The following COL21A1 variants were observed in gnomAD, a reference collection of about 807,000 sequenced individuals.
The protein encoded by COL21A1 is collagen alpha-1(XXI) chain.
Under a neutral mutation model 137.9 loss-of-function variants are expected in COL21A1, and 149 were observed. The observed-to-expected ratio is 1.08, with a 90% CI of 0.95 to 1.24. The LOEUF is 1.24. COL21A1 is among the 50% of genes most tolerant of loss of function. The probability of loss-of-function intolerance (pLI) is 0.00; values close to 1 mark genes in which losing one functional copy is unlikely to be tolerated. For missense variants in COL21A1, 1,167 were observed against 1,158.4 expected (o/e 1.01, Z -0.11); for synonymous variants, 456 against 391.5 (o/e 1.16, Z -1.95).
At chr6:56,062,350 C>T (rs1376666937) in intron 24 of COL21A1, among the ~76,000 whole-genome samples, 1 of 152,134 alleles carries the variant, frequency 6.6e-6, no homozygotes, top group Non-Finnish European at 1.5e-5. Context: ...ATTAAAGTCT[C>T]TCCCACTCCT....
At chr6:56,227,414 A>G (rs1369253364) in intron 1 of COL21A1, among the ~76,000 whole-genome samples, 1 of 152,030 alleles carries the variant, frequency 6.6e-6, no homozygotes, top group Non-Finnish European at 1.5e-5. Context: ...GGGAAATTCT[A>G]CTAAGTAAGG....
At chr6:56,383,065 T>A (rs938817411) in intron 1 of COL21A1, among the ~76,000 whole-genome samples, 2 of 152,204 alleles carry the variant, frequency 1.3e-5, no homozygotes, top group Non-Finnish European at 2.9e-5. Context: ...ACATTGTCAA[T>A]ACAGGATGCT....
intron 10 of COL21A1, among the ~76,000 whole-genome samples, chr6:56,149,488 A>G (rs1198047861): frequency 6.6e-6 from 1 of 152,226 alleles, no homozygotes; most frequent in East Asian, 1.9e-4. Context: ...TAGGCAAAGG[A>G]CAAGAAAAGA....
chr6:56,379,497 A>T (rs1476136629), intron 1 of COL21A1, among the ~76,000 whole-genome samples: 1 of 152,222 alleles, frequency 6.6e-6, no homozygotes, highest in Non-Finnish European at 1.5e-5. Context: ...CACTAGCAGG[A>T]AGATATAATT....
chr6:56,184,192 C>G (rs1233134961), intron 1 of COL21A1, among the ~76,000 whole-genome samples: 1 of 152,032 alleles, frequency 6.6e-6, no homozygotes, highest in Non-Finnish European at 1.5e-5. Context: ...CTTCAGCAAA[C>G]CCCAAGCGAG....
intron 9 of COL21A1, among the ~76,000 whole-genome samples, chr6:56,162,593 C>T (rs1451743737): frequency 1.3e-5 from 2 of 152,194 alleles, no homozygotes; most frequent in South Asian, 2.1e-4. Context: ...TGAACAGCCC[C>T]TTGGAGACCC....
intron 16 of COL21A1, among the ~76,000 whole-genome samples, chr6:56,105,800 A>T (rs1023617476): frequency 2.0e-5 from 3 of 152,226 alleles, no homozygotes; most frequent in Admixed American, 2.0e-4. Context: ...AGCTCTTGGA[A>T]ATATCCAATG....
chr6:56,299,061 A>G (rs1027276546), intron 1 of COL21A1, among the ~76,000 whole-genome samples: 2 of 152,166 alleles, frequency 1.3e-5, no homozygotes, highest in African/African-American at 4.8e-5. Flanking sequence ...GAGAGCAGGG[A>G]CACAAACCTG....
At chr6:56,111,825 G>A (rs1771456689) in intron 16 of COL21A1, among the ~76,000 whole-genome samples, 1 of 151,914 alleles carries the variant, frequency 6.6e-6, no homozygotes, top group Non-Finnish European at 1.5e-5. Context: ...AGTAAGCCAA[G>A]ATCGTGCCAT....
In COL21A1 at chr6:56,130,162, G is replaced by GTT. The variant is rs1173529450; in HGVS notation, c.1543-4015_1543-4014dup. Among the ~76,000 whole-genome samples, 115 of 94,526 alleles carry GTT rather than the reference G, an allele frequency of 1.2e-3. 1 individual carries two copies. The highest frequency in any genetic ancestry group is 1.8e-3 in the African/African-American group (43 of 24,240). The allele number at this position is 94,526 out of a possible 152,430, so 62.0% of individuals were successfully genotyped here. On this transcript the variant is annotated intron_variant, in intron 12 of 29. Transcript: ENST00000244728. Reference sequence around the variant, plus strand: ...CCTCCCTGAGAGCATTCATGACAGGGTTTTATATATATATATATATATATA... The same window carrying GTT: ...CCTCCCTGAGAGCATTCATGACAGGGTTTTTTATATATATATATATATATATA...
At chr6:56,188,950 C>T (rs1778481298) in intron 1 of COL21A1, among the ~76,000 whole-genome samples, 1 of 152,048 alleles carries the variant, frequency 6.6e-6, no homozygotes, top group African/African-American at 2.4e-5. Context: ...CACTCAAGGA[C>T]CCCATCTGAA....
At chr6:56,120,425 G>A (rs975912141) in intron 16 of COL21A1, among the ~76,000 whole-genome samples, 6 of 152,174 alleles carry the variant, frequency 3.9e-5, no homozygotes, top group African/African-American at 7.2e-5. Flanking sequence ...GTGGAGAAAA[G>A]GGAACACTTG....
chr6:56,374,445 T>C (rs1261177227), intron 1 of COL21A1, among the ~76,000 whole-genome samples: 7 of 152,292 alleles, frequency 4.6e-5, no homozygotes, highest in Middle Eastern at 3.4e-3. Flanking sequence ...AAAAGGGATC[T>C]TGTGTGTAGG....
Position 56,188,455 on chromosome 6 carries a change from G to A in COL21A1, c.-38-5799C>T, listed in dbSNP as rs181284170. Among the ~76,000 whole-genome samples, 9 of 152,298 alleles carry A rather than the reference G, an allele frequency of 5.9e-5. No individual in the cohort carries two copies. In the East Asian group the frequency reaches 1.7e-3, roughly 29 times the overall value. On this transcript the variant is annotated intron_variant, in intron 1 of 29. Coordinates refer to ENST00000244728, the MANE Select transcript of COL21A1 (RefSeq NM_030820.4). ...AAATACTACTCAGCAGCTCTGGGCA[G>A]GGAATCTCTGAAAATAAGGCAGCAG...
intron 1 of COL21A1, among the ~76,000 whole-genome samples, chr6:56,302,710 C>A (rs1764331782): frequency 6.6e-6 from 1 of 151,778 alleles, no homozygotes; most frequent in African/African-American, 2.4e-5. Context: ...GTTTCTTTTG[C>A]TGTGCAGAAG....
intron 19 of COL21A1, 94 bp from the exon 20 acceptor site, chr6:56,074,379 TCACTA>T: frequency 2.6e-6 from 2 of 782,420 alleles, no homozygotes; most frequent in South Asian, 1.8e-5. Context: ...CATAATTAAT[TCACTA>T]AATTATAATA....
chr6:56,122,324 T>A lies in COL21A1; in HGVS notation c.1758+1738A>T, dbSNP rs538403185. On this transcript the variant is annotated intron_variant, in intron 16 of 29. Transcript: ENST00000244728. ...GGGCATGCGGTTTCTTTTTTTTTTTTTTCTTTGAGATGGAGTCTGGCTGTG... is the reference window on the plus strand; with the variant it reads ...GGGCATGCGGTTTCTTTTTTTTTTTATTCTTTGAGATGGAGTCTGGCTGTG... 2.6e-5 allele frequency among the ~76,000 whole-genome samples: 4 copies of A among 151,944 alleles called. No homozygotes were observed. The South Asian group carries it at 8.3e-4, about 32-fold the overall frequency.
intron 17 of COL21A1, among the ~76,000 whole-genome samples, chr6:56,097,838 A>AAT (rs1562187945): frequency 1.8e-4 from 7 of 39,576 alleles, no homozygotes; most frequent in African/African-American, 6.4e-4. Context: ...AATATATATA[A>AAT]ATATATAAAT....
intron 1 of COL21A1, among the ~76,000 whole-genome samples, chr6:56,256,970 A>G (rs1389636203): frequency 6.6e-6 from 1 of 152,120 alleles, no homozygotes; most frequent in African/African-American, 2.4e-5. Flanking sequence ...TTTATACAAA[A>G]TCAGATACAG....
Sources: allele counts gnomAD v4.1 joint callset (sites outside exome capture counted in the v4.1 genomes callset), GRCh38; gene constraint gnomAD v4.1.1; transcripts MANE v1.5; gene names NCBI Gene and HGNC (gene_info 2026-07-23, HGNC 2026-07-21).